The following TNRC6A variants were observed in gnomAD, a reference collection of about 807,000 sequenced individuals.
The protein encoded by TNRC6A is trinucleotide repeat-containing gene 6A protein.
A neutral mutation model predicts 221.2 loss-of-function variants in TNRC6A; 44 were observed. That is an observed-to-expected ratio of 0.20 (90% CI 0.16 to 0.26). The LOEUF (loss-of-function observed/expected upper bound fraction) is 0.26. Ranked by LOEUF, TNRC6A falls within the 10% of genes least tolerant of loss-of-function variation. The pLI, the probability that TNRC6A is intolerant of heterozygous loss-of-function variation, is 1.00. For missense variants in TNRC6A, 2,199 were observed against 2,404.4 expected (o/e 0.91, Z 1.79); for synonymous variants, 847 against 838.5 (o/e 1.01, Z -0.18).
chr16:24,820,005 T>C, intron 21 of TNRC6A, 134 bp from the exon 22 acceptor site: 1 of 782,590 alleles, frequency 1.3e-6, no homozygotes, highest in South Asian at 1.9e-5. Flanking sequence ...TTTGGCAGTT[T>C]AGTTGATTTG....
intron 2 of TNRC6A, among the ~76,000 whole-genome samples, chr16:24,749,343 A>G (rs1396593075): frequency 6.6e-6 from 1 of 152,202 alleles, no homozygotes; most frequent in Non-Finnish European, 1.5e-5. Context: ...GCCTCCAGTA[A>G]GATGGGCTTT....
chr16:24,809,506 A>G, intron 18 of TNRC6A, 25 bp downstream of exon 18: 1 of 1,444,780 alleles, frequency 6.9e-7, no homozygotes, highest in Non-Finnish European at 9.3e-7. Flanking sequence ...TCTTACCAAA[A>G]AAAAAAAAAA....
intron 1 of TNRC6A, 69 bp downstream of exon 1, chr16:24,729,915 C>T: frequency 4.2e-6 from 5 of 1,191,906 alleles, no homozygotes; most frequent in South Asian, 4.0e-5. Context: ...CCGCAACCCG[C>T]GGCGGCGGCA....
At chr16:24,797,601 C>CT in intron 10 of TNRC6A, 31 bp downstream of exon 10, 5 of 1,479,452 alleles carry the variant, frequency 3.4e-6, no homozygotes, top group Non-Finnish European at 4.7e-6. Flanking sequence ...GCTCCTTCCT[C>CT]TTTTAATGGT....
At chr16:24,630,510 C>T (rs1289744109) in intron 1 of TNRC6A, among the ~76,000 whole-genome samples, 1 of 152,086 alleles carries the variant, frequency 6.6e-6, no homozygotes, top group African/African-American at 2.4e-5. Flanking sequence ...CAAAAACAAA[C>T]AACAACAACA....
chr16:24,787,874 C>G (rs1395910891), intron 5 of TNRC6A, among the ~76,000 whole-genome samples: 1 of 152,152 alleles, frequency 6.6e-6, no homozygotes, highest in African/African-American at 2.4e-5. Flanking sequence ...TCTCCTAGGC[C>G]TACAACCCCT....
At chr16:24,812,327 T>A (rs2058563594) in intron 18 of TNRC6A, among the ~76,000 whole-genome samples, 1 of 152,144 alleles carries the variant, frequency 6.6e-6, no homozygotes, top group African/African-American at 2.4e-5. Flanking sequence ...GCTGAGATTA[T>A]AGGCGTTAGC....
intron 1 of TNRC6A, among the ~76,000 whole-genome samples, chr16:24,629,449 TTTAA>T (rs2141664825): frequency 6.6e-6 from 1 of 152,316 alleles, no homozygotes; most frequent in East Asian, 1.9e-4. Context: ...CTTAAATATT[TTTAA>T]TTAAAGTTAC....
intron 2 of TNRC6A, among the ~76,000 whole-genome samples, chr16:24,738,937 T>G (rs2056832344): frequency 1.3e-5 from 2 of 152,220 alleles, no homozygotes; most frequent in African/African-American, 4.8e-5. Flanking sequence ...CACTGCAACC[T>G]CCCACCTTCC....
chr16:24,820,893 C>T (rs1375422116), intron 22 of TNRC6A, among the ~76,000 whole-genome samples: 1 of 152,212 alleles, frequency 6.6e-6, no homozygotes, highest in African/African-American at 2.4e-5. Flanking sequence ...GCTGTCTCCA[C>T]ACCATACATA....
chr16:24,791,910 T>A, intron 6 of TNRC6A, 93 bp downstream of exon 6: 1 of 1,312,540 alleles, frequency 7.6e-7, no homozygotes, highest in South Asian at 1.9e-5. Context: ...ACACAAAGGC[T>A]GTTCTTACTG....
chr16:24,821,072 A>G (rs1299809142), intron 22 of TNRC6A, among the ~76,000 whole-genome samples: 2 of 152,248 alleles, frequency 1.3e-5, no homozygotes, highest in African/African-American at 4.8e-5. Context: ...ATCTTTAGAC[A>G]GGTGATTGGC....
At chr16:24,652,806 C>T (rs934318756) in intron 2 of TNRC6A, among the ~76,000 whole-genome samples, 4 of 152,172 alleles carry the variant, frequency 2.6e-5, no homozygotes, top group Admixed American at 1.3e-4. Context: ...TTCTCTACCT[C>T]CCTGTAGATT....
intron 2 of TNRC6A, among the ~76,000 whole-genome samples, chr16:24,734,481 A>G (rs1171265818): frequency 6.6e-6 from 1 of 152,236 alleles, no homozygotes; most frequent in East Asian, 1.9e-4. Context: ...CCAGAATCAT[A>G]GAATCATTGA....
In TNRC6A at chr16:24,647,113, G is replaced by A. The variant is rs113346501; in HGVS notation, n.402+6104G>A. 1.4e-4 allele frequency among the ~76,000 whole-genome samples: 21 copies of A among 151,978 alleles called. No homozygotes were observed. The Middle Eastern group carries it at 0.014, about 98-fold the overall frequency. ...ACTCAGCCATTTTTTTCTATTTTTC[G>A]TAGAGACAGGGGTTCACCATGTTGC... On this transcript the variant is annotated intron_variant and non_coding_transcript_variant, in intron 2 of 2. Coordinates refer to the TNRC6A transcript ENST00000566108.
At chr16:24,620,633 C>A (rs1214912684) in intron 1 of TNRC6A, among the ~76,000 whole-genome samples, 1 of 151,898 alleles carries the variant, frequency 6.6e-6, no homozygotes, top group African/African-American at 2.4e-5. Context: ...TATAATGAAA[C>A]CCTGTCTCTA....
chr16:24,675,548 G>A (rs556584426), intron 2 of TNRC6A, among the ~76,000 whole-genome samples: 1 of 151,414 alleles, frequency 6.6e-6, no homozygotes, highest in Non-Finnish European at 1.5e-5. Context: ...GGGCATGGTG[G>A]TGCACAACTG....
In TNRC6A at chr16:24,750,819, A is replaced by T; in HGVS notation, c.141+6A>T. 1 of 1,535,412 alleles carries T rather than the reference A, an allele frequency of 6.5e-7. No individual in the cohort carries two copies. The highest frequency in any genetic ancestry group is 8.7e-7 in the Non-Finnish European group (1 of 1,146,342). On this transcript the variant is annotated splice_donor_region_variant and intron_variant, in intron 3 of 24. Transcript: ENST00000395799. Reference sequence around the variant, plus strand: ...AGGAAGCTGCTCAAAAGAAGGTAGTATGTGTGTAAACTATTTATATTAAGC... The same window carrying T: ...AGGAAGCTGCTCAAAAGAAGGTAGTTTGTGTGTAAACTATTTATATTAAGC...
At chr16:24,761,406 G>A (rs1284010670) in intron 4 of TNRC6A, among the ~76,000 whole-genome samples, 1 of 152,110 alleles carries the variant, frequency 6.6e-6, no homozygotes, top group East Asian at 1.9e-4. Flanking sequence ...TGAGGTATAG[G>A]GATAGATGGA....
Sources: gnomAD v4.1 joint callset for allele counts (sites outside exome capture counted in the v4.1 genomes callset) on GRCh38, gnomAD v4.1.1 for gene constraint, MANE v1.5 for transcripts, NCBI Gene and HGNC (gene_info 2026-07-23, HGNC 2026-07-21) for gene names.